RXYLT1: variants seen among roughly 807,000 people sequenced by gnomAD.
The protein encoded by RXYLT1 is ribitol-5-phosphate xylosyltransferase 1.
Under a neutral mutation model 43.5 loss-of-function variants are expected in RXYLT1, and 41 were observed. The observed-to-expected ratio is 0.94, with a 90% confidence interval of 0.73 to 1.22. The LOEUF (loss-of-function observed/expected upper bound fraction) is 1.22. Ranked by LOEUF, RXYLT1 falls within the 50% of genes most tolerant of loss-of-function variation. The probability of loss-of-function intolerance (pLI) is 0.00; values close to 1 mark genes in which losing one functional copy is unlikely to be tolerated. For missense variants in RXYLT1, 514 were observed against 532.0 expected (o/e 0.97, Z 0.33); for synonymous variants, 166 against 194.4 (o/e 0.85, Z 1.21).
intron 3 of RXYLT1, among the ~76,000 whole-genome samples, chr12:63,797,502 G>T (rs1275093742): frequency 6.6e-6 from 1 of 152,096 alleles, no homozygotes; most frequent in African/African-American, 2.4e-5. Context: ...GACATCAGAG[G>T]TTCATAAGTG....
At position 63,780,023 on chromosome 12, in the gene RXYLT1, C is replaced by T. The variant is rs752603218; in HGVS notation, c.63C>T (p.Leu21=). 1 of 1,609,996 alleles carries T rather than the reference C, an allele frequency of 6.2e-7. No individual in the cohort carries two copies. The highest frequency in any genetic ancestry group is 8.5e-7 in the Non-Finnish European group (1 of 1,178,718). The change falls in exon 1 of 6, where the codon CTC becomes CTT. Residue 21 remains leucine, a synonymous_variant. Transcript: ENST00000261234. ...FLIALYCLFS[L]YAAYHVFFGR... ...TCGCCCTGTACTGCCTATTCTCCCTCTACGCTGCCTACCACGTCTTCTTCG... is the reference window on the plus strand; with the variant it reads ...TCGCCCTGTACTGCCTATTCTCCCTTTACGCTGCCTACCACGTCTTCTTCG...
At chr12:63,790,839 C>T (rs899130087) in intron 3 of RXYLT1, among the ~76,000 whole-genome samples, 2 of 152,168 alleles carry the variant, frequency 1.3e-5, no homozygotes, top group African/African-American at 2.4e-5. Flanking sequence ...AGTTTCCTCA[C>T]ATTTAAGGCA....
chr12:63,808,634 T>G (rs371886546), intron 5 of RXYLT1, 41 bp from the exon 6 acceptor site: 11 of 1,579,066 alleles, frequency 7.0e-6, no homozygotes, highest in Non-Finnish European at 9.4e-6. Context: ...AACTATATAC[T>G]TAGTAAAGTG....
chr12:63,783,393 G>A (rs1486315425), intron 2 of RXYLT1, among the ~76,000 whole-genome samples: 1 of 152,044 alleles, frequency 6.6e-6, no homozygotes, highest in Non-Finnish European at 1.5e-5. Flanking sequence ...CCCGGGAGGT[G>A]GAGGTTGCAG....
At chr12:63,803,391 C>T (rs1898210784) in intron 4 of RXYLT1, among the ~76,000 whole-genome samples, 1 of 152,050 alleles carries the variant, frequency 6.6e-6, no homozygotes. Context: ...CCTAAAACAG[C>T]ACCTGCAGAG....
At chr12:63,799,215 T>C (rs1031968877) in intron 3 of RXYLT1, among the ~76,000 whole-genome samples, 6 of 152,124 alleles carry the variant, frequency 3.9e-5, no homozygotes, top group Admixed American at 2.0e-4. Context: ...AAGATATTCC[T>C]TTCACATGAA....
intron 3 of RXYLT1, among the ~76,000 whole-genome samples, chr12:63,792,371 T>C (rs1405128641): frequency 6.6e-6 from 1 of 152,210 alleles, no homozygotes; most frequent in Non-Finnish European, 1.5e-5. Context: ...CTCTCATCAC[T>C]CCTGTTCAGC....
chr12:63,795,791 TA>T (rs1274779743), intron 3 of RXYLT1: 2 of 152,156 alleles, frequency 1.3e-5, no homozygotes, highest in Non-Finnish European at 1.5e-5. Flanking sequence ...TGCTAATATT[TA>T]AATATACCCA....
At chr12:63,790,698 A>C (rs544623155) in intron 3 of RXYLT1, 1 of 152,232 alleles carries the variant, frequency 6.6e-6, no homozygotes, top group East Asian at 1.9e-4. Flanking sequence ...AACTGACCTC[A>C]TGATCCACCT....
chr12:63,785,111 GTT>G, intron 3 of RXYLT1, 39 bp downstream of exon 3: 2 of 1,438,266 alleles, frequency 1.4e-6, no homozygotes, highest in South Asian at 1.4e-5. Context: ...AACCTTTGAT[GTT>G]TTGCTCTGCA....
At chr12:63,782,506 C>T (rs1897707799) in intron 2 of RXYLT1, 1 of 456,308 alleles carries the variant, frequency 2.2e-6, no homozygotes, top group African/African-American at 2.0e-5. Flanking sequence ...GCCCATCAGC[C>T]TTCTTTCATT....
chr12:63,780,236 C>T lies in RXYLT1; in HGVS notation c.169+107C>T, dbSNP rs543387128. 828 of 1,387,266 alleles carry T rather than the reference C, an allele frequency of 6.0e-4. 1 individual carries two copies. The highest frequency in any genetic ancestry group is 7.4e-4 in the Non-Finnish European group (804 of 1,082,532). The allele number at this position is 1,387,266 out of a possible 1,614,324, so 85.9% of individuals were successfully genotyped here. ...CGGCTCTCAAGTCCGGGATTACCCG[C>T]AGGGCCTGAGAAGCGCTTTGCCCCC... On this transcript the variant is annotated intron_variant, in intron 1 of 5. Transcript: ENST00000261234.
chr12:63,797,472 A>G (rs1395426890), intron 3 of RXYLT1, among the ~76,000 whole-genome samples: 1 of 152,172 alleles, frequency 6.6e-6, no homozygotes, highest in African/African-American at 2.4e-5. Context: ...CAGAAAAAAG[A>G]TTATATTCCC....
chr12:63,788,146 A>G (rs1897847167), intron 3 of RXYLT1, among the ~76,000 whole-genome samples: 1 of 152,260 alleles, frequency 6.6e-6, no homozygotes, highest in Non-Finnish European at 1.5e-5. Context: ...TAAAATATTC[A>G]GTAAACCATG....
Position 63,780,048 on chromosome 12 carries a change from G to A in RXYLT1, c.88G>A (p.Gly30Arg), listed in dbSNP as rs1897636344. 1 of 1,606,768 alleles carries A rather than the reference G, an allele frequency of 6.2e-7. No individual in the cohort carries two copies. The highest frequency in any genetic ancestry group is 2.3e-5 in the East Asian group (1 of 44,408). ...CTACGCTGCCTACCACGTCTTCTTCGGGCGCCGCCGCCAGGCGCCGGCCGG... is the reference window on the plus strand; with the variant it reads ...CTACGCTGCCTACCACGTCTTCTTCAGGCGCCGCCGCCAGGCGCCGGCCGG... ...SLYAAYHVFF[G>R]RRRQAPAGSP... Residue 30 changes from glycine to arginine, a missense_variant, in exon 1 of 6, where the codon GGG (glycine) becomes AGG (arginine). By Grantham distance (125) the Gly-to-Arg change is moderately radical (BLOSUM62 -2). Transcript: ENST00000261234.
intron 3 of RXYLT1, among the ~76,000 whole-genome samples, chr12:63,791,901 T>C (rs879483875): frequency 1.3e-5 from 2 of 152,236 alleles, no homozygotes; most frequent in Admixed American, 6.5e-5. Context: ...CTAGTAATTA[T>C]AACAAATAAC....
Position 63,809,225 on chromosome 12 carries a change from A to G in RXYLT1, c.*133A>G. The G allele has an allele frequency of 3.0e-6, 2 of 666,384 alleles. No individual in the cohort carries two copies. The highest frequency in any genetic ancestry group is 4.9e-6 in the Non-Finnish European group (2 of 411,872). 41.3% of individuals were successfully genotyped at this position (666,384 alleles called of 1,614,324 possible). A position where few individuals can be genotyped will look rare whatever the true frequency, so the allele number is the denominator to read the frequency against. On this transcript the variant is annotated 3_prime_UTR_variant, in exon 6 of 6. Coordinates refer to ENST00000261234, the MANE Select transcript of RXYLT1 (RefSeq NM_014254.3). ...AAACTCTACATTATGTATGCCACATAATGACATTTCAGTCAGTGGTAGACT... is the reference window on the plus strand; with the variant it reads ...AAACTCTACATTATGTATGCCACATGATGACATTTCAGTCAGTGGTAGACT...
At chr12:63,784,764 AC>A (rs1565899539) in intron 2 of RXYLT1, among the ~76,000 whole-genome samples, 1 of 152,160 alleles carries the variant, frequency 6.6e-6, no homozygotes, top group Non-Finnish European at 1.5e-5. Flanking sequence ...TTACACACTA[AC>A]AGCTTCTGAG....
At chr12:63,804,899 G>A (rs1307433403) in intron 4 of RXYLT1, 20 of 178,414 alleles carry the variant, frequency 1.1e-4, no homozygotes. Context: ...TGATCATTAT[G>A]AATAGAGAAG....
Sources: allele counts gnomAD v4.1 joint callset (sites outside exome capture counted in the v4.1 genomes callset), GRCh38; gene constraint gnomAD v4.1.1; transcripts MANE v1.5; gene names NCBI Gene and HGNC (gene_info 2026-07-23, HGNC 2026-07-21).